The following SLC36A1 variants were observed in gnomAD, a reference collection of about 807,000 sequenced individuals.
SLC36A1 encodes the protein proton-coupled amino acid transporter 1.
SLC36A1 carries 30 observed loss-of-function variants against 47.5 expected under a neutral mutation model. That is an observed-to-expected ratio of 0.63 (90% CI 0.47 to 0.86). The LOEUF (loss-of-function observed/expected upper bound fraction) is 0.86, where lower values mean the gene tolerates loss of function less well. SLC36A1 is among the 40% of genes least tolerant of loss of function. The probability of loss-of-function intolerance (pLI) is 0.00; values close to 1 mark genes in which losing one functional copy is unlikely to be tolerated. For synonymous variants in SLC36A1, 255 were observed against 249.7 expected (o/e 1.02, Z -0.20); for missense variants, 517 against 606.0 (o/e 0.85, Z 1.54).
intron 7 of SLC36A1, among the ~76,000 whole-genome samples, chr5:151,469,057 G>GA (rs1756976409): frequency 6.7e-6 from 1 of 150,274 alleles, no homozygotes; most frequent in Admixed American, 6.6e-5. Flanking sequence ...TTGAGAAAAG[G>GA]AAAAAAGTAA....
At chr5:151,505,454 G>A in the SLC36A1 span, 1 of 1,318,330 alleles carries the variant, frequency 7.6e-7, no homozygotes, top group South Asian at 1.3e-5. Flanking sequence ...CTGGGCTGAG[G>A]GCTTCCCTCC....
the SLC36A1 span, chr5:151,425,256 C>T: frequency 1.3e-5 from 2 of 152,334 alleles, no homozygotes; most frequent in South Asian, 4.1e-4. Flanking sequence ...ACATTCCACG[C>T]CCCGGCGCCC....
upstream of SLC36A1, among the ~76,000 whole-genome samples, chr5:151,443,883 A>G (rs556387653): frequency 1.3e-5 from 2 of 152,252 alleles, no homozygotes; most frequent in Admixed American, 6.5e-5. Context: ...TCTTTCTCAC[A>G]TAAAAACCAG....
In SLC36A1 at chr5:151,448,766, C is replaced by G. The variant is rs1027313430; in HGVS notation, c.-6+953C>G. Among the ~76,000 whole-genome samples the G allele has an allele frequency of 7.9e-5, 12 of 152,286 alleles. No homozygotes were observed. In the East Asian group the frequency reaches 2.3e-3, roughly 29 times the overall value. On this transcript the variant is annotated intron_variant, in intron 1 of 10. Coordinates refer to ENST00000243389, the MANE Select transcript of SLC36A1 (RefSeq NM_078483.4). ...ATGGACAGAACAGAGATTGGGGAAT[C>G]AGGATATTTTGTCCTAGCTCTGCCG... is the stretch of plus-strand genomic sequence containing the variant.
chr5:151,553,280 C>T, the SLC36A1 span: 1 of 1,614,260 alleles, frequency 6.2e-7, no homozygotes. Context: ...TGTAGTAGGT[C>T]TCATCAAAGG....
the SLC36A1 span, among the ~76,000 whole-genome samples, chr5:151,350,321 A>G: frequency 6.6e-6 from 1 of 152,198 alleles, no homozygotes; most frequent in Non-Finnish European, 1.5e-5. Context: ...ACAGATGAGG[A>G]AACTGAGGCT....
the SLC36A1 span, chr5:151,553,112 A>G: frequency 1.3e-6 from 2 of 1,518,420 alleles, no homozygotes; most frequent in Admixed American, 1.7e-5. Flanking sequence ...TGTAGCAGGA[A>G]AACTAGAGCT....
the SLC36A1 span, among the ~76,000 whole-genome samples, chr5:151,361,067 TTCTTC>T: frequency 6.6e-6 from 1 of 152,248 alleles, no homozygotes; most frequent in South Asian, 2.1e-4. Flanking sequence ...AGGCACAGTT[TTCTTC>T]TGCAGAAATT....
At chr5:151,351,450 T>C in the SLC36A1 span, among the ~76,000 whole-genome samples, 1 of 151,836 alleles carries the variant, frequency 6.6e-6, no homozygotes, top group African/African-American at 2.4e-5. Flanking sequence ...TGTGTAGGTA[T>C]AGGCTCTGAC....
At chr5:151,525,736 G>A in the SLC36A1 span, 1 of 1,612,032 alleles carries the variant, frequency 6.2e-7, no homozygotes, top group Non-Finnish European at 8.5e-7. Context: ...CTGTCCCCAT[G>A]GTCACCACCA....
the SLC36A1 span, among the ~76,000 whole-genome samples, chr5:151,401,901 T>C: frequency 6.6e-6 from 1 of 152,172 alleles, no homozygotes; most frequent in Admixed American, 6.5e-5. Flanking sequence ...TGGCAGTCTT[T>C]AGGGTTTTCT....
At chr5:151,543,063 T>C in the SLC36A1 span, 2 of 1,614,154 alleles carry the variant, frequency 1.2e-6, no homozygotes, top group Non-Finnish European at 1.7e-6. Flanking sequence ...AAAATTTCGG[T>C]AAGGATACTT....
chr5:151,433,242 A>ATATGTATATATATATATATATATATATG (rs1759499851), upstream of SLC36A1, among the ~76,000 whole-genome samples: 1 of 8,980 alleles, frequency 1.1e-4, no homozygotes, highest in South Asian at 3.2e-3. Context: ...ATATATATAT[A>ATATGTATATATATATATATATATATATG]TATATATATA....
downstream of SLC36A1, among the ~76,000 whole-genome samples, chr5:151,492,926 G>A (rs569946007): frequency 1.3e-5 from 2 of 152,108 alleles, no homozygotes; most frequent in South Asian, 2.1e-4. Flanking sequence ...CCTATGACTC[G>A]CAGACTTGCC....
chr5:151,497,289 T>C (rs1009279377), downstream of SLC36A1, among the ~76,000 whole-genome samples: 18 of 152,248 alleles, frequency 1.2e-4, no homozygotes, highest in Non-Finnish European at 2.4e-4. Flanking sequence ...CTGAGATATT[T>C]AAAAATCATG....
chr5:151,532,388 A>AACAC, the SLC36A1 span, among the ~76,000 whole-genome samples: 36 of 150,496 alleles, frequency 2.4e-4, no homozygotes, highest in South Asian at 5.5e-3. Context: ...TGCGTGTACA[A>AACAC]ACACACACAC....
chr5:151,494,362 G>A (rs1369464947), downstream of SLC36A1, among the ~76,000 whole-genome samples: 1 of 152,154 alleles, frequency 6.6e-6, no homozygotes, highest in Non-Finnish European at 1.5e-5. Flanking sequence ...GCAGTTCAAT[G>A]TGTTTTGCAT....
the SLC36A1 span, among the ~76,000 whole-genome samples, chr5:151,541,049 G>A: frequency 6.6e-6 from 1 of 152,218 alleles, no homozygotes; most frequent in Non-Finnish European, 1.5e-5. Flanking sequence ...AGAAGGCATG[G>A]GAGGAAGTTA....
the SLC36A1 span, among the ~76,000 whole-genome samples, chr5:151,530,065 C>CA: frequency 6.6e-6 from 1 of 151,998 alleles, no homozygotes; most frequent in Non-Finnish European, 1.5e-5. Context: ...AGAAAATCAC[C>CA]ATTTTACAGC....
Sources: allele counts gnomAD v4.1 joint callset (sites outside exome capture counted in the v4.1 genomes callset), GRCh38; gene constraint gnomAD v4.1.1; transcripts MANE v1.5; gene names NCBI Gene and HGNC (gene_info 2026-07-23, HGNC 2026-07-21).